The following TMEM74 variants were observed in gnomAD, a reference collection of about 807,000 sequenced individuals.
TMEM74 encodes transmembrane protein 74.
In TMEM74, 13 loss-of-function variants were observed where a neutral mutation model predicts 18.1. That is an observed-to-expected ratio of 0.72 (90% CI 0.47 to 1.14). The LOEUF is 1.14. Ranked by LOEUF, TMEM74 falls within the 50% of genes most tolerant of loss-of-function variation. The probability of loss-of-function intolerance (pLI) is 0.00; values close to 1 mark genes in which losing one functional copy is unlikely to be tolerated. For synonymous variants in TMEM74, 159 were observed against 146.6 expected, an observed-to-expected ratio of 1.08 and a Z score of -0.61; for missense variants, 372 against 375.9, an observed-to-expected ratio of 0.99 and a Z score of 0.09.
At chr8:108,629,193 G>A (rs974594962) in intron 2 of TMEM74, among the ~76,000 whole-genome samples, 5 of 151,940 alleles carry the variant, frequency 3.3e-5, no homozygotes, top group Non-Finnish European at 7.4e-5. Flanking sequence ...GCATACACAA[G>A]TATCAATAGC....
intron 1 of TMEM74, among the ~76,000 whole-genome samples, chr8:108,724,783 A>G (rs1303476594): frequency 1.3e-5 from 2 of 152,128 alleles, no homozygotes; most frequent in South Asian, 2.1e-4. Context: ...GCAGACTCCA[A>G]TGGCTGAAGC....
rs561334509 is a variant in TMEM74, at chr8:108,715,986, ATCACTAAACATGTT to A, written n.120-60563_120-60550del. On this transcript the variant is annotated intron_variant and non_coding_transcript_variant, in intron 1 of 3. Transcript: ENST00000518838. ...TTGTAATTCATAAGAAAGATAATAA[ATCACTAAACATGTT>A]TATATGGCAAATGACATAGTATAAA... Among the ~76,000 whole-genome samples, 6 of 152,228 alleles carry A rather than the reference ATCACTAAACATGTT, an allele frequency of 3.9e-5. No homozygotes were observed. In the East Asian group the frequency reaches 1.2e-3, roughly 29 times the overall value.
intron 1 of TMEM74, among the ~76,000 whole-genome samples, chr8:108,730,874 G>A (rs982465226): frequency 4.6e-5 from 7 of 151,868 alleles, no homozygotes. Flanking sequence ...CTTGTGATCC[G>A]CCCGCCTCGG....
chr8:108,671,521 T>C (rs1300019903), intron 1 of TMEM74, among the ~76,000 whole-genome samples: 1 of 152,184 alleles, frequency 6.6e-6, no homozygotes, highest in Non-Finnish European at 1.5e-5. Context: ...AAGAGGGTTT[T>C]CACAACTCAG....
chr8:108,669,581 T>C (rs1011371856), intron 1 of TMEM74, among the ~76,000 whole-genome samples: 2 of 152,172 alleles, frequency 1.3e-5, no homozygotes, highest in African/African-American at 4.8e-5. Flanking sequence ...CAATAAGATA[T>C]TAGCTTTGTT....
At chr8:108,711,284 C>T (rs565294895) in intron 1 of TMEM74, among the ~76,000 whole-genome samples, 7 of 152,164 alleles carry the variant, frequency 4.6e-5, no homozygotes, top group Non-Finnish European at 8.8e-5. Context: ...CTTTCCAAAG[C>T]CTCCCATGCA....
intron 1 of TMEM74, among the ~76,000 whole-genome samples, chr8:108,711,742 G>A (rs184551706): frequency 1.1e-4 from 17 of 152,276 alleles, no homozygotes; most frequent in African/African-American, 4.1e-4. Context: ...GCCCATGTAA[G>A]AGGGAGGTCT....
chr8:108,608,403 A>G (rs1812300976), intron 3 of TMEM74, among the ~76,000 whole-genome samples: 1 of 152,122 alleles, frequency 6.6e-6, no homozygotes, highest in African/African-American at 2.4e-5. Context: ...ATTCCCACCT[A>G]CTAAATTAGA....
chr8:108,620,986 T>C (rs1015326654), intron 2 of TMEM74, among the ~76,000 whole-genome samples: 1 of 152,174 alleles, frequency 6.6e-6, no homozygotes, highest in South Asian at 2.1e-4. Context: ...GCTGCTCCCA[T>C]GATGCCTGGT....
At chr8:108,682,790 C>A (rs1285606929) in intron 1 of TMEM74, among the ~76,000 whole-genome samples, 1 of 151,942 alleles carries the variant, frequency 6.6e-6, no homozygotes, top group African/African-American at 2.4e-5. Context: ...CTCTTAAAAT[C>A]TTTCAGTTAA....
intron 1 of TMEM74, among the ~76,000 whole-genome samples, chr8:108,766,443 T>C (rs1462704110): frequency 6.6e-6 from 1 of 152,144 alleles, no homozygotes; most frequent in African/African-American, 2.4e-5. Context: ...AGGGATTAAA[T>C]AGATTCAAAG....
intron 1 of TMEM74, among the ~76,000 whole-genome samples, chr8:108,701,983 A>G (rs908615356): frequency 6.6e-6 from 1 of 152,144 alleles, no homozygotes; most frequent in Admixed American, 6.5e-5. Flanking sequence ...GGCAGTTAAC[A>G]CTACCCAACA....
At chr8:108,622,230 TTGACAATGATGCA>T (rs1812450868) in intron 2 of TMEM74, among the ~76,000 whole-genome samples, 2 of 152,032 alleles carry the variant, frequency 1.3e-5, no homozygotes, top group South Asian at 4.1e-4. Context: ...TTCCATCACA[TTGACAATGATGCA>T]TGACAATGAC....
intron 2 of TMEM74, among the ~76,000 whole-genome samples, chr8:108,621,911 A>T (rs967248902): frequency 6.6e-6 from 1 of 152,042 alleles, no homozygotes; most frequent in Non-Finnish European, 1.5e-5. Context: ...GCACTCAAGC[A>T]CTCCTTATTT....
rs1353890755 is a variant in TMEM74 at position 108,607,864 on chromosome 8, T to C, written n.340-99A>G. 1.3e-5 allele frequency: 2 copies of C among 152,210 alleles called. 1 individual carries two copies. The highest frequency in any genetic ancestry group is 3.8e-4 in the East Asian group (2 of 5,198). The allele number at this position is 152,210 out of a possible 1,614,324, so 9.4% of individuals were successfully genotyped here. ...TTGTATGCTATGTGTGATGAAAAGA[T>C]AGATTTTGGTTAAATTGAATAAAAT... On this transcript the variant is annotated intron_variant and non_coding_transcript_variant, in intron 3 of 3. Coordinates refer to the TMEM74 transcript ENST00000518838.
chr8:108,664,965 T>C (rs1011991584), intron 1 of TMEM74, among the ~76,000 whole-genome samples: 5 of 152,106 alleles, frequency 3.3e-5, no homozygotes, highest in Non-Finnish European at 7.4e-5. Context: ...TGTCTCTAGA[T>C]TACAAGGAGA....
intron 1 of TMEM74, among the ~76,000 whole-genome samples, chr8:108,686,492 G>A (rs1257640797): frequency 1.3e-5 from 2 of 152,034 alleles, no homozygotes; most frequent in Non-Finnish European, 2.9e-5. Flanking sequence ...GTGACCCACC[G>A]CGCCGGCCCT....
chr8:108,691,270 C>A (rs1463286305), intron 1 of TMEM74, among the ~76,000 whole-genome samples: 2 of 152,114 alleles, frequency 1.3e-5, no homozygotes, highest in African/African-American at 2.4e-5. Flanking sequence ...TGGGAACCTG[C>A]CCCGTATGAT....
In TMEM74 at chr8:108,625,161, C is replaced by T. The variant is rs554536386; in HGVS notation, n.265-16335G>A. Among the ~76,000 whole-genome samples, 40 of 151,940 alleles carry T rather than the reference C, an allele frequency of 2.6e-4. No homozygotes were observed. In the East Asian group the frequency reaches 7.2e-3, roughly 27 times the overall value. Reference sequence around the variant, plus strand: ...AGTGGTGGGAGACTTTGACCTAGACCCCTAAAGCTTATCTTGCATATTTGT... The same window carrying T: ...AGTGGTGGGAGACTTTGACCTAGACTCCTAAAGCTTATCTTGCATATTTGT... On this transcript the variant is annotated intron_variant and non_coding_transcript_variant, in intron 2 of 3. Coordinates refer to the TMEM74 transcript ENST00000518838.
Sources: allele counts gnomAD v4.1 joint callset (sites outside exome capture counted in the v4.1 genomes callset), GRCh38; gene constraint gnomAD v4.1.1; transcripts MANE v1.5; gene names NCBI Gene and HGNC (gene_info 2026-07-23, HGNC 2026-07-21).